Variants in FAM169A observed in about 807,000 individuals in gnomAD.
FAM169A encodes soluble lamin-associated protein of 75 kDa.
In FAM169A, 24 loss-of-function variants were observed where a neutral mutation model predicts 75.7. The ratio of observed to expected loss-of-function variants is 0.32; its 90% CI spans 0.23 to 0.45. FAM169A has a LOEUF of 0.45. Ranked by LOEUF, FAM169A falls within the 20% of genes least tolerant of loss-of-function variation. The pLI is 1.00. For synonymous variants in FAM169A, 271 were observed against 271.0 expected, an observed-to-expected ratio of 1.00 and a Z score of 0.00; for missense variants, 673 against 784.0, an observed-to-expected ratio of 0.86 and a Z score of 1.69.
chr5:74,826,171 T>C (rs933441487), intron 5 of FAM169A, among the ~76,000 whole-genome samples: 2 of 152,238 alleles, frequency 1.3e-5, no homozygotes, highest in African/African-American at 4.8e-5. Context: ...GTGAACATTC[T>C]TGTTCTTATT....
chr5:74,781,415 A>G lies in FAM169A; in HGVS notation c.*45T>C. On this transcript the variant is annotated 3_prime_UTR_variant, in exon 13 of 13. Coordinates refer to ENST00000687041, the MANE Select transcript of FAM169A (RefSeq NM_001376049.1). Reference sequence around the variant, plus strand: ...TAATTACCATATTTTAAAAACAACAACTATGTTACAAAGAAGAGGATTTAT... The same window carrying G: ...TAATTACCATATTTTAAAAACAACAGCTATGTTACAAAGAAGAGGATTTAT... 1 of 1,552,606 alleles carries G rather than the reference A, an allele frequency of 6.4e-7. No homozygotes were observed. Among genetic ancestry groups the G allele is most frequent in the East Asian group, 2.3e-5 (1 of 44,288 alleles).
At chr5:74,829,143 G>A (rs777227248) in intron 5 of FAM169A, among the ~76,000 whole-genome samples, 15 of 151,858 alleles carry the variant, frequency 9.9e-5, no homozygotes, top group Non-Finnish European at 1.0e-4. Flanking sequence ...CTTCTTTTAC[G>A]CTCCCTTCTG....
At chr5:74,848,291 A>G (rs1008096214) in intron 1 of FAM169A, among the ~76,000 whole-genome samples, 4 of 152,154 alleles carry the variant, frequency 2.6e-5, no homozygotes, top group African/African-American at 7.2e-5. Context: ...CATTTACTAT[A>G]TAACAAGGAA....
At chr5:74,810,918 C>T (rs1431824166) in intron 6 of FAM169A, among the ~76,000 whole-genome samples, 1 of 148,050 alleles carries the variant, frequency 6.8e-6, no homozygotes, top group East Asian at 2.0e-4. Context: ...TCAAGTGATC[C>T]TCCTGCCTCA....
At chr5:74,845,061 G>A (rs980804166) in intron 1 of FAM169A, among the ~76,000 whole-genome samples, 2 of 152,024 alleles carry the variant, frequency 1.3e-5, no homozygotes, top group African/African-American at 4.8e-5. Context: ...AGTATCAGAA[G>A]GCAAGAAACT....
intron 10 of FAM169A, chr5:74,799,036 G>A (rs1019744677): frequency 4.5e-5 from 49 of 1,094,396 alleles, no homozygotes; most frequent in Non-Finnish European, 6.3e-5. Context: ...CAACTGTCGT[G>A]CCTGAAACAG....
chr5:74,811,653 T>C (rs1222529106), intron 6 of FAM169A, among the ~76,000 whole-genome samples: 1 of 152,246 alleles, frequency 6.6e-6, no homozygotes, highest in East Asian at 1.9e-4. Context: ...TATAAGAGTT[T>C]CTAGGTTAAT....
Position 74,780,487 on chromosome 5 carries a change from G to A in FAM169A, c.*973C>T, listed in dbSNP as rs1238427813. ...ATATAAATAAGACTGTAGAATTAGG[G>A]AGGTGGCAAGATTTAAGGAGATGCC... On this transcript the variant is annotated 3_prime_UTR_variant, in exon 13 of 13. Transcript: ENST00000687041. The A allele has an allele frequency of 6.6e-6, 1 of 152,196 alleles. No homozygotes were observed. Among genetic ancestry groups the A allele is most frequent in the Non-Finnish European group, 1.5e-5 (1 of 68,032 alleles). The allele number at this position is 152,196 out of a possible 1,614,324, so 9.4% of individuals were successfully genotyped here.
intron 11 of FAM169A, 110 bp from the exon 12 acceptor site, chr5:74,783,244 A>G (rs1236262493): frequency 2.9e-6 from 2 of 699,900 alleles, no homozygotes; most frequent in Non-Finnish European, 4.9e-6. Flanking sequence ...CCAAGACTCA[A>G]ATTTACATTA....
At chr5:74,790,173 T>C (rs1269355129) in intron 11 of FAM169A, among the ~76,000 whole-genome samples, 1 of 152,210 alleles carries the variant, frequency 6.6e-6, no homozygotes, top group African/African-American at 2.4e-5. Flanking sequence ...GATGGCCTTA[T>C]GGGGAGTTCC....
At chr5:74,864,860 C>T (rs1750231129) in intron 1 of FAM169A, among the ~76,000 whole-genome samples, 1 of 152,180 alleles carries the variant, frequency 6.6e-6, no homozygotes, top group African/African-American at 2.4e-5. Flanking sequence ...TGCCTTTCCT[C>T]CAAAACAAGC....
chr5:74,843,471 T>C (rs1748989378), intron 1 of FAM169A, among the ~76,000 whole-genome samples: 1 of 152,220 alleles, frequency 6.6e-6, no homozygotes, highest in Non-Finnish European at 1.5e-5. Flanking sequence ...AACAATGTGA[T>C]ACAGGCATGT....
chr5:74,840,221 T>C (rs1467190769), intron 2 of FAM169A, 48 bp from the exon 3 acceptor site: 3 of 815,272 alleles, frequency 3.7e-6, no homozygotes, highest in Admixed American at 5.2e-5. Context: ...GTTAAGAAAA[T>C]ACATTAAAAA....
intron 11 of FAM169A, among the ~76,000 whole-genome samples, chr5:74,794,762 G>C (rs1180999363): frequency 1.4e-5 from 2 of 143,946 alleles, no homozygotes; most frequent in Non-Finnish European, 3.0e-5. Context: ...CTGGGCGACA[G>C]AGCGCAACTC....
chr5:74,864,355 C>T (rs1217971579), intron 1 of FAM169A, among the ~76,000 whole-genome samples: 1 of 152,152 alleles, frequency 6.6e-6, no homozygotes, highest in Admixed American at 6.5e-5. Flanking sequence ...CTCAGCCTCC[C>T]GAGTAGCTGG....
chr5:74,833,484 A>G (rs534819920), intron 5 of FAM169A, among the ~76,000 whole-genome samples: 2 of 152,286 alleles, frequency 1.3e-5, no homozygotes, highest in Non-Finnish European at 2.9e-5. Context: ...TCAGTTTTTT[A>G]TTCTTGGGAA....
chr5:74,857,108 CAA>C (rs772315121), intron 1 of FAM169A, among the ~76,000 whole-genome samples: 73 of 67,896 alleles, frequency 1.1e-3, no homozygotes, highest in African/African-American at 2.9e-3. Flanking sequence ...GACTCCACCT[CAA>C]AAAAAAAAAA....
intron 12 of FAM169A, among the ~76,000 whole-genome samples, chr5:74,782,381 G>A (rs1017658898): frequency 3.3e-5 from 5 of 152,200 alleles, no homozygotes; most frequent in East Asian, 1.9e-4. Context: ...ACTTCACTGC[G>A]CTACCACACT....
intron 4 of FAM169A, among the ~76,000 whole-genome samples, chr5:74,835,579 G>A (rs1249789112): frequency 6.9e-6 from 1 of 144,298 alleles, no homozygotes; most frequent in East Asian, 2.0e-4. Context: ...TCCAGCCTGG[G>A]CGACAGAGTG....
Sources: allele counts gnomAD v4.1 joint callset (sites outside exome capture counted in the v4.1 genomes callset), GRCh38; gene constraint gnomAD v4.1.1; transcripts MANE v1.5; gene names NCBI Gene and HGNC (gene_info 2026-07-23, HGNC 2026-07-21).